The following BRINP3 variants were observed in gnomAD, a reference collection of about 807,000 sequenced individuals.
BRINP3 encodes BMP/retinoic acid-inducible neural-specific protein 3.
In BRINP3, 19 loss-of-function variants were observed where a neutral mutation model predicts 71.0. That is an observed-to-expected ratio of 0.27 (90% confidence interval 0.19 to 0.39). The LOEUF (loss-of-function observed/expected upper bound fraction) is 0.39, where lower values mean the gene tolerates loss of function less well. BRINP3 is among the 10% of genes least tolerant of loss of function. The pLI, the probability that BRINP3 is intolerant of heterozygous loss-of-function variation, is 1.00. For missense variants in BRINP3, 959 were observed against 940.8 expected, an observed-to-expected ratio of 1.02 and a Z score of -0.25; for synonymous variants, 380 against 337.7, an observed-to-expected ratio of 1.13 and a Z score of -1.37.
intron 2 of BRINP3, among the ~76,000 whole-genome samples, chr1:190,370,181 A>G (rs567974555): frequency 6.6e-6 from 1 of 152,324 alleles, no homozygotes; most frequent in South Asian, 2.1e-4. Flanking sequence ...ACACACATAC[A>G]CAAGCACAAT....
chr1:190,112,103 CCAAA>C (rs1050505898), intron 7 of BRINP3, among the ~76,000 whole-genome samples: 7 of 151,894 alleles, frequency 4.6e-5, no homozygotes, highest in African/African-American at 1.2e-4. Flanking sequence ...TTTTCTTTCA[CCAAA>C]CAGAGTAAAA....
At chr1:190,315,767 T>C (rs951287924) in intron 2 of BRINP3, among the ~76,000 whole-genome samples, 7 of 151,500 alleles carry the variant, frequency 4.6e-5, no homozygotes, top group African/African-American at 1.7e-4. Context: ...GCAGTGGATG[T>C]AAGTATATTC....
At chr1:190,407,612 T>C (rs1390397292) in intron 2 of BRINP3, among the ~76,000 whole-genome samples, 1 of 152,184 alleles carries the variant, frequency 6.6e-6, no homozygotes, top group Non-Finnish European at 1.5e-5. Flanking sequence ...TATTCAAACA[T>C]GTAAACCCTA....
intron 7 of BRINP3, among the ~76,000 whole-genome samples, chr1:190,122,159 T>C (rs1244728624): frequency 6.6e-6 from 1 of 152,174 alleles, no homozygotes; most frequent in Non-Finnish European, 1.5e-5. Flanking sequence ...TTAGTATCAT[T>C]TTCTGCCATC....
chr1:190,303,750 G>T (rs1664893445), intron 2 of BRINP3, among the ~76,000 whole-genome samples: 1 of 151,740 alleles, frequency 6.6e-6, no homozygotes, highest in African/African-American at 2.4e-5. Flanking sequence ...ATTTGGCTCA[G>T]TCTCAATATT....
intron 2 of BRINP3, among the ~76,000 whole-genome samples, chr1:190,380,698 A>C (rs1670492142): frequency 6.6e-6 from 1 of 152,126 alleles, no homozygotes; most frequent in Admixed American, 6.6e-5. Flanking sequence ...TATATGAGTA[A>C]ATCTACAGGC....
At chr1:190,405,769 G>A (rs1672243575) in intron 2 of BRINP3, among the ~76,000 whole-genome samples, 1 of 152,070 alleles carries the variant, frequency 6.6e-6, no homozygotes, top group Non-Finnish European at 1.5e-5. Flanking sequence ...GTGGATTTAG[G>A]GATTTCATTA....
Position 190,438,067 on chromosome 1 carries a change from C to T in BRINP3, c.236+16588G>A, listed in dbSNP as rs1009853304. Among the ~76,000 whole-genome samples the T allele has an allele frequency of 8.6e-5, 13 of 150,924 alleles. 1 individual carries two copies. Among genetic ancestry groups the T allele is most frequent in the African/African-American group, 1.5e-4 (6 of 41,310 alleles). On this transcript the variant is annotated intron_variant, in intron 2 of 7. Coordinates refer to ENST00000367462, the MANE Select transcript of BRINP3 (RefSeq NM_199051.3). Reference sequence around the variant, plus strand: ...TCAAAACTGTAAAATGAAAAGATTCCAAGTTAATAATCTCTAAAATATCTT... The same window carrying T: ...TCAAAACTGTAAAATGAAAAGATTCTAAGTTAATAATCTCTAAAATATCTT...
At chr1:190,130,907 A>G (rs1042353719) in intron 7 of BRINP3, among the ~76,000 whole-genome samples, 1 of 151,888 alleles carries the variant, frequency 6.6e-6, no homozygotes, top group Non-Finnish European at 1.5e-5. Context: ...AAGCCACCAT[A>G]CATCGGGATT....
In BRINP3 at chr1:190,342,816, A is replaced by G. The variant is rs1336463393; in HGVS notation, c.237-61066T>C. ...CTACATGTACATTTTTAGGAAAAAA[A>G]TGAATAAATATAGATGTTTAAACAT... is the stretch of plus-strand genomic sequence containing the variant. On this transcript the variant is annotated intron_variant, in intron 2 of 7. Coordinates refer to ENST00000367462, the MANE Select transcript of BRINP3 (RefSeq NM_199051.3). The G allele has an allele frequency of 4.0e-5, 6 of 151,864 alleles. No individual in the cohort carries two copies. The Admixed American group carries it at 4.0e-4, about 10-fold the overall frequency. 9.4% of individuals were successfully genotyped at this position (151,864 alleles called of 1,614,324 possible).
At chr1:190,379,197 T>C (rs1670363202) in intron 2 of BRINP3, among the ~76,000 whole-genome samples, 1 of 152,276 alleles carries the variant, frequency 6.6e-6, no homozygotes, top group East Asian at 1.9e-4. Flanking sequence ...TATTACATGA[T>C]TTAAAAAACA....
chr1:190,115,212 G>A (rs531557381), intron 7 of BRINP3, among the ~76,000 whole-genome samples: 12 of 152,144 alleles, frequency 7.9e-5, no homozygotes, highest in African/African-American at 2.9e-4. Context: ...TAGTTAGTAG[G>A]TACAAATAAG....
intron 4 of BRINP3, among the ~76,000 whole-genome samples, chr1:190,250,113 C>T (rs1659997878): frequency 6.6e-6 from 1 of 151,738 alleles, no homozygotes; most frequent in Admixed American, 6.6e-5. Flanking sequence ...TTTTACAATC[C>T]ACCTAGAGGG....
At chr1:190,328,869 T>C (rs1268525721) in intron 2 of BRINP3, among the ~76,000 whole-genome samples, 1 of 151,982 alleles carries the variant, frequency 6.6e-6, no homozygotes, top group Non-Finnish European at 1.5e-5. Context: ...TGGTTCAACA[T>C]AGAGAAATCA....
chr1:190,166,752 C>T (rs1651577201), intron 6 of BRINP3, among the ~76,000 whole-genome samples: 1 of 151,956 alleles, frequency 6.6e-6, no homozygotes, highest in Admixed American at 6.6e-5. Context: ...AAGATGGGGT[C>T]TCACTCTATC....
intron 6 of BRINP3, among the ~76,000 whole-genome samples, chr1:190,170,554 G>A (rs1188092857): frequency 6.6e-6 from 1 of 152,060 alleles, no homozygotes; most frequent in Non-Finnish European, 1.5e-5. Context: ...GACCACGAAT[G>A]ACTCAAGTGG....
At chr1:190,225,701 T>C (rs374865159) in intron 6 of BRINP3, among the ~76,000 whole-genome samples, 1 of 151,978 alleles carries the variant, frequency 6.6e-6, no homozygotes, top group Non-Finnish European at 1.5e-5. Flanking sequence ...ATGAGAATCA[T>C]GTTGAAAAAG....
At chr1:190,105,901 A>T (rs1652117820) in intron 7 of BRINP3, among the ~76,000 whole-genome samples, 1 of 152,034 alleles carries the variant, frequency 6.6e-6, no homozygotes, top group Non-Finnish European at 1.5e-5. Flanking sequence ...AGATAAACAC[A>T]ATTACTTTTC....
intron 2 of BRINP3, among the ~76,000 whole-genome samples, chr1:190,328,728 A>C (rs908502120): frequency 3.4e-4 from 51 of 151,828 alleles, no homozygotes; most frequent in African/African-American, 1.2e-3. Flanking sequence ...GAAGAAAAAA[A>C]AAAAAAAAAT....
Sources: allele counts gnomAD v4.1 joint callset (sites outside exome capture counted in the v4.1 genomes callset), GRCh38; gene constraint gnomAD v4.1.1; transcripts MANE v1.5; gene names NCBI Gene and HGNC (gene_info 2026-07-23, HGNC 2026-07-21).